NRXN3: variants seen among roughly 807,000 people sequenced by gnomAD.
NRXN3 encodes neurexin 3, also known as neurexin III.
NRXN3 carries 32 observed loss-of-function variants against 137.6 expected under a neutral mutation model. The observed-to-expected ratio is 0.23, with a 90% CI of 0.18 to 0.31. The LOEUF (loss-of-function observed/expected upper bound fraction) is 0.31, where lower values mean the gene tolerates loss of function less well. NRXN3 is among the 10% of genes least tolerant of loss of function. The pLI, the probability that NRXN3 is intolerant of heterozygous loss-of-function variation, is 1.00. For synonymous variants in NRXN3, 798 were observed against 784.5 expected, an observed-to-expected ratio of 1.02 and a Z score of -0.29; for missense variants, 1,574 against 2,062.5, an observed-to-expected ratio of 0.76 and a Z score of 4.59.
At chr14:79,817,313 G>A (rs574182994) in intron 20 of NRXN3, among the ~76,000 whole-genome samples, 3 of 152,150 alleles carry the variant, frequency 2.0e-5, no homozygotes, top group East Asian at 1.9e-4. Flanking sequence ...TTGGCCTCCC[G>A]AAGTTCTGGG....
At chr14:78,822,037 G>C (rs2098952291) in intron 10 of NRXN3, among the ~76,000 whole-genome samples, 1 of 152,096 alleles carries the variant, frequency 6.6e-6, no homozygotes, top group African/African-American at 2.4e-5. Flanking sequence ...GAATCTCATG[G>C]TTAACATTTC....
intron 10 of NRXN3, among the ~76,000 whole-genome samples, chr14:78,844,308 A>G (rs1283021746): frequency 6.6e-6 from 1 of 152,114 alleles, no homozygotes; most frequent in African/African-American, 2.4e-5. Flanking sequence ...TAATTTAATC[A>G]TGCCTTTTGT....
chr14:78,261,431 C>T (rs567816025), intron 2 of NRXN3, among the ~76,000 whole-genome samples: 16 of 152,246 alleles, frequency 1.1e-4, no homozygotes, highest in Admixed American at 3.9e-4. Flanking sequence ...GGATCTAGAA[C>T]GATGCTTGGG....
chr14:79,118,538 A>G (rs1395416754), intron 15 of NRXN3, among the ~76,000 whole-genome samples: 3 of 152,192 alleles, frequency 2.0e-5, no homozygotes, highest in African/African-American at 7.2e-5. Context: ...TGGCCATTGC[A>G]TCAACCTCAA....
At chr14:78,932,548 C>T (rs2099325247) in intron 10 of NRXN3, among the ~76,000 whole-genome samples, 1 of 152,094 alleles carries the variant, frequency 6.6e-6, no homozygotes, top group Non-Finnish European at 1.5e-5. Context: ...GATACAACTC[C>T]TGCAAAAAGG....
chr14:79,340,189 G>A (rs199641333), intron 15 of NRXN3, among the ~76,000 whole-genome samples: 20 of 134,366 alleles, frequency 1.5e-4, no homozygotes, highest in African/African-American at 4.7e-4. Flanking sequence ...GTGTGTGTGT[G>A]TATGTGTGTG....
intron 16 of NRXN3, among the ~76,000 whole-genome samples, chr14:79,492,167 A>G (rs116242927): frequency 6.6e-6 from 1 of 152,214 alleles, no homozygotes; most frequent in Non-Finnish European, 1.5e-5. Context: ...TAGTGGATAT[A>G]TAAACTCCAA....
chr14:79,785,220 A>G (rs764417113), intron 19 of NRXN3, among the ~76,000 whole-genome samples: 1 of 152,198 alleles, frequency 6.6e-6, no homozygotes, highest in African/African-American at 2.4e-5. Flanking sequence ...TGCCCTTTGT[A>G]TAAAAAGATC....
chr14:78,213,211 C>G (rs1292033676), intron 1 of NRXN3, among the ~76,000 whole-genome samples: 1 of 152,100 alleles, frequency 6.6e-6, no homozygotes, highest in Non-Finnish European at 1.5e-5. Flanking sequence ...CCCAGAGAGC[C>G]CCTGTGGAAG....
Position 78,464,184 on chromosome 14 carries a change from C to G in NRXN3, c.757+166324C>G, listed in dbSNP as rs577936353. On this transcript the variant is annotated intron_variant, in intron 4 of 20. Transcript: ENST00000335750. ...TCTCCAGCTTCAGCCTCCCGAGTAG[C>G]TGGGCCTACAGGCACCCGCCACCAT... Among the ~76,000 whole-genome samples, 5 of 152,082 alleles carry G rather than the reference C, an allele frequency of 3.3e-5. No individual in the cohort carries two copies. In the East Asian group the frequency reaches 5.8e-4, roughly 18 times the overall value.
intron 4 of NRXN3, among the ~76,000 whole-genome samples, chr14:78,341,677 A>G (rs969957142): frequency 4.6e-5 from 7 of 152,194 alleles, no homozygotes; most frequent in African/African-American, 1.7e-4. Flanking sequence ...GGCTTGTACT[A>G]GAAGTCTACG....
chr14:79,037,360 C>A (rs1289745836), intron 15 of NRXN3, among the ~76,000 whole-genome samples: 1 of 152,066 alleles, frequency 6.6e-6, no homozygotes, highest in African/African-American at 2.4e-5. Flanking sequence ...TAGCCCATTT[C>A]CCCTGTGTTT....
intron 10 of NRXN3, among the ~76,000 whole-genome samples, chr14:78,876,794 G>A (rs1045639570): frequency 6.6e-6 from 1 of 152,052 alleles, no homozygotes; most frequent in Non-Finnish European, 1.5e-5. Flanking sequence ...GTTGTTGTGA[G>A]GATTAAATAA....
intron 15 of NRXN3, among the ~76,000 whole-genome samples, chr14:79,286,209 C>A (rs1442247156): frequency 6.6e-6 from 1 of 152,114 alleles, no homozygotes; most frequent in African/African-American, 2.4e-5. Flanking sequence ...ACCTGCTACC[C>A]TTCTGACCCA....
intron 4 of NRXN3, among the ~76,000 whole-genome samples, chr14:78,507,387 A>G (rs944174073): frequency 6.6e-6 from 1 of 152,154 alleles, no homozygotes; most frequent in Non-Finnish European, 1.5e-5. Context: ...TCCTCTGGGG[A>G]AAAAGAGTCC....
chr14:79,353,588 C>T (rs950612333), intron 15 of NRXN3, among the ~76,000 whole-genome samples: 1 of 152,070 alleles, frequency 6.6e-6, no homozygotes, highest in African/African-American at 2.4e-5. Flanking sequence ...GAACATGAGG[C>T]TCAGTGTTCT....
intron 16 of NRXN3, among the ~76,000 whole-genome samples, chr14:79,522,757 G>A (rs1281134975): frequency 1.3e-5 from 2 of 152,058 alleles, no homozygotes; most frequent in African/African-American, 4.8e-5. Context: ...ACTTTTTGGG[G>A]ACCTTCCATA....
chr14:78,474,276 G>A (rs1039092014), intron 4 of NRXN3, among the ~76,000 whole-genome samples: 3 of 152,170 alleles, frequency 2.0e-5, no homozygotes, highest in Admixed American at 6.5e-5. Flanking sequence ...AAGTGATTAA[G>A]CCTATATTGG....
chr14:78,833,681 T>G (rs1170970547), intron 10 of NRXN3, among the ~76,000 whole-genome samples: 1 of 151,998 alleles, frequency 6.6e-6, no homozygotes, highest in African/African-American at 2.4e-5. Flanking sequence ...AAATTGTTTC[T>G]GGTGGTTAAA....
Sources: allele counts gnomAD v4.1 joint callset (sites outside exome capture counted in the v4.1 genomes callset), GRCh38; gene constraint gnomAD v4.1.1; transcripts MANE v1.5; gene names NCBI Gene and HGNC (gene_info 2026-07-23, HGNC 2026-07-21).